Variants in RGS7 observed in about 807,000 individuals in gnomAD.
RGS7 encodes the protein regulator of G-protein signaling 7.
A neutral mutation model predicts 81.1 loss-of-function variants in RGS7; 27 were observed. That is an observed-to-expected ratio of 0.33 (90% confidence interval 0.25 to 0.46). RGS7 has a LOEUF of 0.46. Ranked by LOEUF, RGS7 falls within the 20% of genes least tolerant of loss-of-function variation. RGS7 has a pLI of 1.00. For synonymous variants in RGS7, 208 were observed against 207.7 expected (o/e 1.00, Z -0.01); for missense variants, 396 against 607.4 (o/e 0.65, Z 3.66).
At chr1:240,981,916 C>T (rs1684969701) in intron 4 of RGS7, among the ~76,000 whole-genome samples, 1 of 152,114 alleles carries the variant, frequency 6.6e-6, no homozygotes, top group African/African-American at 2.4e-5. Context: ...AGGCAGGAAC[C>T]ACAGCTATGC....
At chr1:240,790,632 T>C (rs1174393413) in intron 18 of RGS7, among the ~76,000 whole-genome samples, 1 of 152,156 alleles carries the variant, frequency 6.6e-6, no homozygotes, top group Non-Finnish European at 1.5e-5. Context: ...AAAAGTGGAT[T>C]AGGGAAGGGA....
Position 241,327,118 on chromosome 1 carries a change from GAAAGAAAGAAA to G in RGS7, c.78+28570_78+28580del, listed in dbSNP as rs2081614770. On this transcript the variant is annotated intron_variant, in intron 2 of 18. Transcript: ENST00000440928. Reference sequence around the variant, plus strand: ...AGAAAGAAAGAAAGAAAGAAAGAAAGAAAGAAAGAAAGAAAGAAAGAAAGAAAGGAAAGAAA... The same window carrying G: ...AGAAAGAAAGAAAGAAAGAAAGAAAGGAAAGAAAGAAAGAAAGGAAAGAAA... 5.5e-5 allele frequency among the ~76,000 whole-genome samples: 6 copies of G among 109,072 alleles called. 1 individual carries two copies. The highest frequency in any genetic ancestry group is 4.3e-3 in the Middle Eastern group (1 of 232). The allele number at this position is 109,072 out of a possible 152,430, so 71.6% of individuals were successfully genotyped here.
intron 2 of RGS7, among the ~76,000 whole-genome samples, chr1:241,100,231 C>T (rs1024155742): frequency 2.8e-4 from 43 of 151,950 alleles, no homozygotes; most frequent in African/African-American, 7.2e-4. Context: ...AAAAATTAGC[C>T]GGGCGCGGTG....
chr1:241,136,380 A>G (rs980752445), intron 2 of RGS7, among the ~76,000 whole-genome samples: 1 of 152,164 alleles, frequency 6.6e-6, no homozygotes, highest in Non-Finnish European at 1.5e-5. Context: ...CCTTTCCACA[A>G]GGAATCACAG....
intron 18 of RGS7, among the ~76,000 whole-genome samples, chr1:240,795,019 C>A (rs1269311500): frequency 6.6e-6 from 1 of 152,016 alleles, no homozygotes; most frequent in Non-Finnish European, 1.5e-5. Flanking sequence ...CCCGTCTCTA[C>A]TAAAAATACA....
At chr1:241,341,979 GTTC>G (rs2082584993) in intron 2 of RGS7, among the ~76,000 whole-genome samples, 2 of 147,966 alleles carry the variant, frequency 1.4e-5, no homozygotes, top group South Asian at 4.3e-4. Flanking sequence ...GGTTCAAGCA[GTTC>G]TTCTGCTTCA....
At chr1:241,230,842 G>C (rs1485330324) in intron 2 of RGS7, among the ~76,000 whole-genome samples, 1 of 152,166 alleles carries the variant, frequency 6.6e-6, no homozygotes, top group Non-Finnish European at 1.5e-5. Context: ...TCCCCATATT[G>C]CTTCTGGACC....
intron 3 of RGS7, among the ~76,000 whole-genome samples, chr1:240,995,470 T>G (rs558372914): frequency 6.6e-6 from 1 of 152,200 alleles, no homozygotes; most frequent in African/African-American, 2.4e-5. Flanking sequence ...ATTTTGTTTT[T>G]AGAGATTTCT....
chr1:241,012,070 C>G (rs1156877547), intron 3 of RGS7, among the ~76,000 whole-genome samples: 1 of 152,030 alleles, frequency 6.6e-6, no homozygotes, highest in Non-Finnish European at 1.5e-5. Context: ...GACTGGGACC[C>G]CTTTCTGGTA....
intron 2 of RGS7, among the ~76,000 whole-genome samples, chr1:241,245,411 G>A (rs1265954719): frequency 1.3e-5 from 2 of 151,518 alleles, no homozygotes; most frequent in African/African-American, 4.9e-5. Context: ...CACCATGATT[G>A]TAAGTTTTGG....
intron 2 of RGS7, among the ~76,000 whole-genome samples, chr1:241,158,713 T>C (rs550016275): frequency 6.6e-6 from 1 of 152,286 alleles, no homozygotes; most frequent in South Asian, 2.1e-4. Context: ...CCTGACCTTT[T>C]CCCTACCAGT....
intron 3 of RGS7, among the ~76,000 whole-genome samples, chr1:241,022,756 T>C (rs523361): frequency 0.48 from 73,648 of 151,958 alleles, 18,756 homozygotes; most frequent in African/African-American, 0.62. Flanking sequence ...GCCAGCATCG[T>C]GACACTTAAG....
intron 9 of RGS7, among the ~76,000 whole-genome samples, chr1:240,828,520 G>A (rs1481134149): frequency 6.6e-6 from 1 of 152,212 alleles, no homozygotes; most frequent in Non-Finnish European, 1.5e-5. Context: ...CAGGTGCGGT[G>A]GCTCACGCCT....
chr1:241,057,456 G>T (rs905872659), intron 3 of RGS7, among the ~76,000 whole-genome samples: 1 of 152,088 alleles, frequency 6.6e-6, no homozygotes, highest in Non-Finnish European at 1.5e-5. Flanking sequence ...TTACAAAGTC[G>T]GTACTATTAT....
chr1:240,855,308 C>CAGAAAAAAA (rs1660876851), intron 9 of RGS7, among the ~76,000 whole-genome samples: 1 of 14,922 alleles, frequency 6.7e-5, no homozygotes, highest in African/African-American at 1.8e-4. Flanking sequence ...GACCATGTCT[C>CAGAAAAAAA]AAAAAAAAAA....
chr1:241,087,458 T>C (rs556240800), intron 3 of RGS7, among the ~76,000 whole-genome samples: 1 of 152,290 alleles, frequency 6.6e-6, no homozygotes, highest in East Asian at 1.9e-4. Context: ...TATTCACCCA[T>C]CTAACAAATA....
intron 2 of RGS7, among the ~76,000 whole-genome samples, chr1:241,281,857 G>A (rs913782139): frequency 2.6e-5 from 4 of 152,088 alleles, no homozygotes; most frequent in South Asian, 2.1e-4. Context: ...AATTGACATC[G>A]TTACTATGTT....
At chr1:241,135,487 G>A (rs990083228) in intron 2 of RGS7, among the ~76,000 whole-genome samples, 8 of 151,968 alleles carry the variant, frequency 5.3e-5, no homozygotes, top group African/African-American at 1.7e-4. Context: ...CGTGTTGTCT[G>A]TTGGCGTGCT....
In RGS7 at chr1:241,273,441, CTTTT is replaced by C. The variant is rs5782183; in HGVS notation, c.78+82254_78+82257del. ...ATCTACTTGTCAGTCCATCTGTTAG[CTTTT>C]TTTTTTGAGGGAGATGGAGTTCTCA... On this transcript the variant is annotated intron_variant, in intron 2 of 18. Transcript: ENST00000440928. Among the ~76,000 whole-genome samples the C allele has an allele frequency of 2.0e-5, 3 of 151,316 alleles. No individual in the cohort carries two copies. The South Asian group carries it at 6.3e-4, about 32-fold the overall frequency.
Sources: allele counts gnomAD v4.1 joint callset (sites outside exome capture counted in the v4.1 genomes callset), GRCh38; gene constraint gnomAD v4.1.1; transcripts MANE v1.5; gene names NCBI Gene and HGNC (gene_info 2026-07-23, HGNC 2026-07-21).